XPNPEP2: variants seen among roughly 807,000 people sequenced by gnomAD.
The protein encoded by XPNPEP2 is xaa-Pro aminopeptidase 2.
A neutral mutation model predicts 59.8 loss-of-function variants in XPNPEP2; 64 were observed. The ratio of observed to expected loss-of-function variants is 1.07; its 90% CI spans 0.87 to 1.32. The LOEUF is 1.32. XPNPEP2 is among the 40% of genes most tolerant of loss of function. The pLI, the probability that XPNPEP2 is intolerant of heterozygous loss-of-function variation, is 0.00. For missense variants in XPNPEP2, 575 were observed against 546.8 expected (o/e 1.05, Z -0.51); for synonymous variants, 235 against 210.0 (o/e 1.12, Z -1.03).
In XPNPEP2 at chrX:129,746,277, G is replaced by T. The variant is rs774159719; in HGVS notation, c.340G>T (p.Asp114Tyr). Reference sequence around the variant, plus strand: ...TATGAAGAAAGCAGCTGTCTGGACCGACAGTCGCTACTGGACTCAGGCTGA... The same window carrying T: ...TATGAAGAAAGCAGCTGTCTGGACCTACAGTCGCTACTGGACTCAGGCTGA... ...VTMKKAAVWT[D>Y]SRYWTQAERQ... Residue 114 changes from aspartate to tyrosine, a missense_variant, in exon 5 of 21, where the codon GAC (aspartate) becomes TAC (tyrosine). Transcript: ENST00000371106. The T allele has an allele frequency of 5.0e-6, 6 of 1,211,292 alleles. No homozygotes were observed. The East Asian group carries it at 1.8e-4, about 36-fold the overall frequency.
chrX:129,760,300 G>C (rs763292160), intron 15 of XPNPEP2, among the ~76,000 whole-genome samples: 1 of 112,764 alleles, frequency 8.9e-6, no homozygotes, highest in Non-Finnish European at 1.9e-5. Context: ...AGGGAAGCAC[G>C]TGATGGAGCC....
At chrX:129,739,356 T>A (rs1602892388) in intron 1 of XPNPEP2, 94 bp downstream of exon 1, 1 of 926,215 alleles carries the variant, frequency 1.1e-6, no homozygotes, top group East Asian at 3.2e-5. Context: ...CCGAGTCTCT[T>A]TTTCTGTTGC....
Position 129,747,727 on chromosome X carries a change from T to C in XPNPEP2, c.611T>C (p.Ile204Thr), listed in dbSNP as rs762243775. The change falls in exon 7 of 21, where the codon ATT (isoleucine) becomes ACT (threonine). Residue 204 changes from isoleucine (I) to threonine (T), a missense_variant. Ile to Thr is a moderately conservative substitution (Grantham distance 89). Coordinates refer to ENST00000371106, the MANE Select transcript of XPNPEP2 (RefSeq NM_003399.6). ...SERPPVPNQP[I>T]YALQEAFTGS... ...AGGCCACCGGTTCCAAATCAACCCA[T>C]TTATGCCCTGCAGGAGGCATTCACA... is the stretch of plus-strand genomic sequence containing the variant. 1 of 1,211,887 alleles carries C rather than the reference T, an allele frequency of 8.3e-7. No individual in the cohort carries two copies. Among genetic ancestry groups the C allele is most frequent in the Non-Finnish European group, 1.1e-6 (1 of 895,557 alleles).
chrX:129,757,951 GAAAGAAAGAAAA>G (rs1460574332), intron 14 of XPNPEP2, among the ~76,000 whole-genome samples: 60 of 82,535 alleles, frequency 7.3e-4, no homozygotes, highest in Admixed American at 2.0e-3. Flanking sequence ...AAGAAAGAAA[GAAAGAAAGAAAA>G]AGAATAGGCT....
chrX:129,755,156 T>G (rs1408369971), intron 12 of XPNPEP2, 138 bp from the exon 13 acceptor site: 2 of 525,268 alleles, frequency 3.8e-6, no homozygotes, highest in Non-Finnish European at 6.4e-6. Context: ...AACCAGGAGG[T>G]GAGGGCTGGG....
At chrX:129,740,622 C>T (rs1240807034) in intron 1 of XPNPEP2, among the ~76,000 whole-genome samples, 3 of 95,954 alleles carry the variant, frequency 3.1e-5, no homozygotes, top group African/African-American at 4.2e-5. Flanking sequence ...GAAGGAGACT[C>T]CATCTCAAAA....
intron 18 of XPNPEP2, 55 bp from the exon 19 acceptor site, chrX:129,762,639 C>G: frequency 9.0e-7 from 1 of 1,113,927 alleles, no homozygotes; most frequent in Non-Finnish European, 1.2e-6. Context: ...GTACAGGAAG[C>G]CTGGGCTTGG....
At position 129,754,541 on chromosome X, in the gene XPNPEP2, G is replaced by A. The variant is rs199809120; in HGVS notation, c.1177G>A (p.Asp393Asn). Residue 393 changes from aspartate (D) to asparagine (N), a missense_variant, in exon 12 of 21, where the codon GAT (aspartate) becomes AAT (asparagine). Coordinates refer to ENST00000371106, the MANE Select transcript of XPNPEP2 (RefSeq NM_003399.6). The part of the protein sequence containing the change: ...LEKNVPKGTV[D>N]EFSGAEIVDK... ...GAAGAACGTGCCCAAAGGCACAGTG[G>A]ATGAGTTCTCGGGGGCAGAGATCGT... 486 of 1,192,398 alleles carry A rather than the reference G, an allele frequency of 4.1e-4. 1 individual carries two copies. The highest frequency in any genetic ancestry group is 4.6e-4 in the Non-Finnish European group (410 of 886,923).
chrX:129,746,541 G>A, intron 5 of XPNPEP2, 54 bp from the exon 6 acceptor site: 2 of 1,124,271 alleles, frequency 1.8e-6, no homozygotes, highest in South Asian at 3.6e-5. Flanking sequence ...TGGCTGGAGA[G>A]CCTGGGGCTG....
In XPNPEP2 at chrX:129,760,628, A is replaced by G. The variant is rs749374703; in HGVS notation, c.1498+47A>G. On this transcript the variant is annotated intron_variant, in intron 16 of 20. Coordinates refer to ENST00000371106, the MANE Select transcript of XPNPEP2 (RefSeq NM_003399.6). ...GGACACAGCCTCAGGCCCTGATTTC[A>G]CAGGACTCAGACCATCACCCTGGGA... 5.2e-6 allele frequency: 6 copies of G among 1,164,705 alleles called. No homozygotes were observed. In the Admixed American group the frequency reaches 1.3e-4, roughly 26 times the overall value.
At chrX:129,763,513 C>CA (rs1006911223) in intron 19 of XPNPEP2, among the ~76,000 whole-genome samples, 29 of 109,611 alleles carry the variant, frequency 2.6e-4, no homozygotes, top group East Asian at 8.6e-4. Context: ...ACAAAAAATA[C>CA]AAAAAAAAAT....
intron 7 of XPNPEP2, among the ~76,000 whole-genome samples, chrX:129,748,611 G>A (rs1248138577): frequency 8.9e-6 from 1 of 112,425 alleles, no homozygotes; most frequent in African/African-American, 3.2e-5. Flanking sequence ...CAGCCATGAC[G>A]AAACAAGTGA....
intron 1 of XPNPEP2, among the ~76,000 whole-genome samples, chrX:129,741,039 G>A (rs913795365): frequency 5.5e-5 from 6 of 109,811 alleles, no homozygotes; most frequent in Non-Finnish European, 1.1e-4. Context: ...AGACAGGGGG[G>A]TTAGAGGCAA....
At position 129,743,239 on chromosome X, in the gene XPNPEP2, G is replaced by A. The variant is rs191264780; in HGVS notation, c.124-722G>A. 1.3e-4 allele frequency among the ~76,000 whole-genome samples: 15 copies of A among 112,404 alleles called. No individual in the cohort carries two copies. In the East Asian group the frequency reaches 2.5e-3, roughly 19 times the overall value. On this transcript the variant is annotated intron_variant, in intron 2 of 20. Coordinates refer to ENST00000371106, the MANE Select transcript of XPNPEP2 (RefSeq NM_003399.6). ...GAGTAGAAAGCAAAACAGCACAAAC[G>A]GAAACATGCTTTTCGTTTTAAAGCT... is the stretch of plus-strand genomic sequence containing the variant.
chrX:129,759,155 G>A, intron 14 of XPNPEP2, 25 bp from the exon 15 acceptor site: 1 of 1,211,006 alleles, frequency 8.3e-7, no homozygotes, highest in Non-Finnish European at 1.1e-6. Flanking sequence ...CAGGCATTTG[G>A]CATGTTGGTT....
At chrX:129,757,753 A>T (rs1253661969) in intron 14 of XPNPEP2, among the ~76,000 whole-genome samples, 3 of 101,689 alleles carry the variant, frequency 3.0e-5, no homozygotes, top group Non-Finnish European at 6.0e-5. Flanking sequence ...CGAGATCGTG[A>T]CACTGCACTC....
chrX:129,747,535 T>A (rs1320467399), intron 6 of XPNPEP2, 72 bp from the exon 7 acceptor site: 24 of 1,181,536 alleles, frequency 2.0e-5, no homozygotes, highest in Non-Finnish European at 2.7e-5. Context: ...CAGGACTAAC[T>A]TTGCCTGAAT....
intron 1 of XPNPEP2, among the ~76,000 whole-genome samples, chrX:129,740,699 G>T (rs1217882488): frequency 2.7e-5 from 3 of 109,835 alleles, no homozygotes; most frequent in Non-Finnish European, 5.7e-5. Context: ...CAACACTTTG[G>T]GAGGCCGGGG....
At chrX:129,755,416 T>C (rs1302756032) in intron 13 of XPNPEP2, 45 bp downstream of exon 13, 13 of 1,136,257 alleles carry the variant, frequency 1.1e-5, no homozygotes, top group African/African-American at 1.8e-5. Context: ...TGGGGCATCC[T>C]GTTGTGTGTG....
Sources: allele counts gnomAD v4.1 joint callset (sites outside exome capture counted in the v4.1 genomes callset), GRCh38; gene constraint gnomAD v4.1.1; transcripts MANE v1.5; gene names NCBI Gene and HGNC (gene_info 2026-07-23, HGNC 2026-07-21).